The following ITFG1 variants were observed in gnomAD, a reference collection of about 807,000 sequenced individuals.
ITFG1 encodes integrin alpha FG-GAP repeat containing 1.
A neutral mutation model predicts 81.8 loss-of-function variants in ITFG1; 34 were observed. That is an observed-to-expected ratio of 0.42 (90% CI 0.32 to 0.55). ITFG1 has a LOEUF of 0.55. Among genes scored for constraint, ITFG1 ranks in the 20% least tolerant of loss-of-function variants. The probability of loss-of-function intolerance (pLI) is 0.17; values close to 1 mark genes in which losing one functional copy is unlikely to be tolerated. For synonymous variants in ITFG1, 285 were observed against 270.6 expected, an observed-to-expected ratio of 1.05 and a Z score of -0.52; for missense variants, 672 against 755.4, an observed-to-expected ratio of 0.89 and a Z score of 1.29.
chr16:47,187,916 G>GAA (rs1965242538), intron 14 of ITFG1, among the ~76,000 whole-genome samples: 3 of 151,602 alleles, frequency 2.0e-5, no homozygotes, highest in African/African-American at 7.3e-5. Context: ...AAATTTACAA[G>GAA]AAAAAAACAA....
chr16:47,197,754 A>G (rs1033858724), intron 14 of ITFG1, among the ~76,000 whole-genome samples: 2 of 152,224 alleles, frequency 1.3e-5, no homozygotes, highest in African/African-American at 4.8e-5. Flanking sequence ...GGAGCCAGGC[A>G]AGTGCCTTGG....
chr16:47,307,118 A>AAC (rs1967180060), intron 10 of ITFG1, among the ~76,000 whole-genome samples: 1 of 148,632 alleles, frequency 6.7e-6, no homozygotes, highest in Non-Finnish European at 1.5e-5. Flanking sequence ...AAAAAAAAAA[A>AAC]AAAAACGGAG....
At chr16:47,186,848 A>G (rs1237103304) in intron 14 of ITFG1, among the ~76,000 whole-genome samples, 9 of 152,220 alleles carry the variant, frequency 5.9e-5, no homozygotes, top group Non-Finnish European at 5.9e-5. Context: ...ACATGACTGT[A>G]TATCTAGAAA....
intron 13 of ITFG1, among the ~76,000 whole-genome samples, chr16:47,224,842 T>TA (rs1387170677): frequency 2.0e-5 from 3 of 151,970 alleles, no homozygotes; most frequent in Admixed American, 6.6e-5. Flanking sequence ...CATGAAAAGT[T>TA]AAAAAAATTA....
At chr16:47,376,894 A>C (rs1159483516) in intron 6 of ITFG1, among the ~76,000 whole-genome samples, 2 of 140,680 alleles carry the variant, frequency 1.4e-5, no homozygotes, top group Non-Finnish European at 3.0e-5. Context: ...ACTTGAACCC[A>C]GGAGGCGGAG....
In ITFG1 at chr16:47,439,525, A is replaced by G. The variant is rs1364204968; in HGVS notation, c.561-10627T>C. 2.6e-5 allele frequency among the ~76,000 whole-genome samples: 4 copies of G among 152,232 alleles called. No individual in the cohort carries two copies. In the South Asian group the frequency reaches 8.3e-4, roughly 32 times the overall value. ...TACAAGCCAGAAGAGAGTGGGGGCC[A>G]ATATTCAACATTCTTAAAGAAAAGA... is the stretch of plus-strand genomic sequence containing the variant. On this transcript the variant is annotated intron_variant, in intron 5 of 17. Transcript: ENST00000320640.
intron 14 of ITFG1, among the ~76,000 whole-genome samples, chr16:47,179,373 T>C (rs1428498666): frequency 1.3e-5 from 2 of 152,188 alleles, no homozygotes; most frequent in East Asian, 1.9e-4. Flanking sequence ...GTGGCACATA[T>C]ACACCATGGA....
intron 14 of ITFG1, among the ~76,000 whole-genome samples, chr16:47,206,553 G>A (rs189166644): frequency 6.9e-4 from 105 of 152,226 alleles, no homozygotes; most frequent in Middle Eastern, 6.8e-3. Flanking sequence ...CAGCCTCTGG[G>A]AACCAGAATC....
intron 14 of ITFG1, among the ~76,000 whole-genome samples, chr16:47,215,428 T>C (rs961242729): frequency 6.6e-6 from 1 of 152,102 alleles, no homozygotes; most frequent in Non-Finnish European, 1.5e-5. Flanking sequence ...TTTTAAAAGC[T>C]TTTTCTTAAA....
chr16:47,228,593 A>C (rs1463073154), intron 13 of ITFG1, among the ~76,000 whole-genome samples: 1 of 152,028 alleles, frequency 6.6e-6, no homozygotes, highest in Admixed American at 6.5e-5. Flanking sequence ...CAAGTCTCGA[A>C]CTCCTGGGCT....
intron 14 of ITFG1, among the ~76,000 whole-genome samples, chr16:47,175,992 T>C (rs577383138): frequency 6.6e-6 from 1 of 152,344 alleles, no homozygotes; most frequent in East Asian, 1.9e-4. Context: ...GGGAGGTTCC[T>C]ATTGTAGACC....
intron 14 of ITFG1, among the ~76,000 whole-genome samples, chr16:47,194,192 C>T (rs1965327843): frequency 6.6e-6 from 1 of 152,190 alleles, no homozygotes; most frequent in South Asian, 2.1e-4. Context: ...CAAATGACGA[C>T]TTCCTTGACA....
chr16:47,408,477 T>C (rs1351478552), intron 6 of ITFG1, among the ~76,000 whole-genome samples: 2 of 152,158 alleles, frequency 1.3e-5, no homozygotes, highest in Non-Finnish European at 2.9e-5. Flanking sequence ...ATCTTTCCAG[T>C]TTTACAAGAA....
At chr16:47,162,692 A>T in intron 14 of ITFG1, 28 bp from the exon 15 acceptor site, 4 of 1,561,362 alleles carry the variant, frequency 2.6e-6, no homozygotes, top group East Asian at 2.3e-5. Flanking sequence ...AAAAAAAATT[A>T]AAAACATCTC....
At chr16:47,370,403 C>T (rs551269113) in intron 7 of ITFG1, among the ~76,000 whole-genome samples, 3 of 152,336 alleles carry the variant, frequency 2.0e-5, no homozygotes, top group African/African-American at 4.8e-5. Context: ...CCCAGCCACA[C>T]GTGGGGATTC....
intron 14 of ITFG1, among the ~76,000 whole-genome samples, chr16:47,184,527 T>G (rs1321237066): frequency 6.6e-6 from 1 of 151,854 alleles, no homozygotes; most frequent in African/African-American, 2.4e-5. Context: ...CCAGCCAAAC[T>G]AAGCTTCATA....
intron 14 of ITFG1, among the ~76,000 whole-genome samples, chr16:47,187,458 C>T (rs1351458171): frequency 6.6e-6 from 1 of 152,076 alleles, no homozygotes; most frequent in Non-Finnish European, 1.5e-5. Flanking sequence ...AATAATGCCG[C>T]ATATCTACAA....
intron 13 of ITFG1, among the ~76,000 whole-genome samples, chr16:47,228,422 C>T (rs559590694): frequency 3.3e-5 from 5 of 152,160 alleles, no homozygotes; most frequent in South Asian, 4.1e-4. Context: ...CCCAGTGGCG[C>T]GATCACAGCT....
rs144613628 is a variant in ITFG1, at chr16:47,264,798, T to C, written c.1071-4103A>G. Among the ~76,000 whole-genome samples the C allele has an allele frequency of 5.7e-3, 870 of 152,282 alleles. 7 individuals are homozygous for C. Among genetic ancestry groups the C allele is most frequent in the African/African-American group, 0.02 (828 of 41,566 alleles). ...TAACATTGCTTCTTACTCTTGACAG[T>C]TGAAGAGCTTAAAAACAACTTCATT... On this transcript the variant is annotated intron_variant, in intron 10 of 17. Coordinates refer to ENST00000320640, the MANE Select transcript of ITFG1 (RefSeq NM_030790.5).
Sources: gnomAD v4.1 joint callset for allele counts (sites outside exome capture counted in the v4.1 genomes callset) on GRCh38, gnomAD v4.1.1 for gene constraint, MANE v1.5 for transcripts, NCBI Gene and HGNC (gene_info 2026-07-23, HGNC 2026-07-21) for gene names.